Variants in ACTN1 observed in about 807,000 individuals in gnomAD.
ACTN1 encodes alpha-actinin-1.
Under a neutral mutation model 119.6 loss-of-function variants are expected in ACTN1, and 30 were observed. That is an observed-to-expected ratio of 0.25 (90% CI 0.19 to 0.34). The LOEUF is 0.34. ACTN1 is among the 10% of genes least tolerant of loss of function. The pLI is 1.00. For synonymous variants in ACTN1, 429 were observed against 472.6 expected (o/e 0.91, Z 1.20); for missense variants, 764 against 1,223.4 (o/e 0.62, Z 5.60).
At chr14:68,973,093 C>T (rs1339682058) in intron 1 of ACTN1, among the ~76,000 whole-genome samples, 1 of 152,130 alleles carries the variant, frequency 6.6e-6, no homozygotes, top group Non-Finnish European at 1.5e-5. Flanking sequence ...GCCAGATAAC[C>T]CCCTGGTACG....
Position 68,878,958 on chromosome 14 carries a change from CCT to C in ACTN1, c.2361+29_2361+30del. On this transcript the variant is annotated intron_variant, in intron 19 of 21. Coordinates refer to ENST00000394419, the MANE Select transcript of ACTN1 (RefSeq NM_001130004.2). This position sits in a 1 kb window ranked among gnomAD's most constrained non-coding sequence, Gnocchi z 4.4. ...ATTATTTCTTGCCCCAGACGCCACC[CCT>C]GAGCGTGCTCCATGCAGGAGGCGAG... The C allele has an allele frequency of 6.2e-7, 1 of 1,612,972 alleles. No individual in the cohort carries two copies. Among genetic ancestry groups the C allele is most frequent in the African/African-American group, 1.3e-5 (1 of 74,738 alleles).
chr14:68,907,385 G>A (rs1351895042), intron 6 of ACTN1, among the ~76,000 whole-genome samples: 1 of 151,340 alleles, frequency 6.6e-6, no homozygotes, highest in Admixed American at 6.6e-5. Context: ...CCAACATGGT[G>A]AAATCCCGTC....
intron 21 of ACTN1, among the ~76,000 whole-genome samples, chr14:68,876,404 T>G (rs1324602789): frequency 3.3e-5 from 5 of 150,956 alleles, no homozygotes; most frequent in African/African-American, 1.2e-4. Context: ...TTCTGGCTGC[T>G]CTGTGAGTCT....
chr14:68,975,046 G>A (rs1246124493), intron 1 of ACTN1, among the ~76,000 whole-genome samples: 1 of 152,188 alleles, frequency 6.6e-6, no homozygotes, highest in African/African-American at 2.4e-5. Flanking sequence ...GACACAGCCT[G>A]CAGATTTTCC....
chr14:68,891,270 T>G (rs182378357), intron 10 of ACTN1, among the ~76,000 whole-genome samples: 2 of 152,356 alleles, frequency 1.3e-5, no homozygotes, highest in East Asian at 3.9e-4. Flanking sequence ...CTCTGGCTTA[T>G]GAAATTTTTC....
intron 1 of ACTN1, among the ~76,000 whole-genome samples, chr14:68,944,684 C>G (rs530702123): frequency 8.1e-4 from 124 of 152,248 alleles, no homozygotes; most frequent in Non-Finnish European, 1.0e-3. Flanking sequence ...GGCAGTGTGT[C>G]TGATCACTGC....
intron 1 of ACTN1, chr14:68,947,472 G>A (rs2035980949): frequency 6.6e-6 from 1 of 152,258 alleles, no homozygotes; most frequent in Admixed American, 6.5e-5. Context: ...CTGAGGCTCA[G>A]AATAAGGACC....
At chr14:68,895,001 T>C (rs575226222) in intron 8 of ACTN1, among the ~76,000 whole-genome samples, 1 of 146,038 alleles carries the variant, frequency 6.8e-6, no homozygotes, top group South Asian at 2.1e-4. Context: ...ATGTGCTTTG[T>C]GGATGGATGA....
intron 1 of ACTN1, among the ~76,000 whole-genome samples, chr14:68,949,460 C>T (rs8010464): frequency 0.3 from 45,612 of 152,126 alleles, 7,998 homozygotes; most frequent in African/African-American, 0.49. Flanking sequence ...CTGCAGACAG[C>T]TACTGTGGCA....
intron 1 of ACTN1, among the ~76,000 whole-genome samples, chr14:68,948,480 A>G (rs58128696): frequency 6.6e-6 from 1 of 152,306 alleles, no homozygotes; most frequent in African/African-American, 2.4e-5. Context: ...TGGGAGGCTG[A>G]GGCAGGAGAA....
At chr14:68,908,709 C>T (rs2033817625) in intron 6 of ACTN1, among the ~76,000 whole-genome samples, 1 of 152,148 alleles carries the variant, frequency 6.6e-6, no homozygotes, top group Non-Finnish European at 1.5e-5. Flanking sequence ...CAGTGTCGTC[C>T]AACCAGCTCA....
rs568152574 is a variant in ACTN1 at position 68,954,209 on chromosome 14, T to A, written c.105+24743A>T. Among the ~76,000 whole-genome samples the A allele has an allele frequency of 7.9e-5, 12 of 152,348 alleles. No individual in the cohort carries two copies. The South Asian group carries it at 2.3e-3, about 29-fold the overall frequency. The stretch of plus-strand genomic sequence containing the variant: ...TCATTTTTAAAGGCTGCAAAAATAC[T>A]ACACCACCATGATGTATCAGGATGG... On this transcript the variant is annotated intron_variant, in intron 1 of 21. Coordinates refer to ENST00000394419, the MANE Select transcript of ACTN1 (RefSeq NM_001130004.2).
At chr14:68,950,031 C>T (rs1379556781) in intron 1 of ACTN1, among the ~76,000 whole-genome samples, 2 of 152,130 alleles carry the variant, frequency 1.3e-5, no homozygotes, top group Non-Finnish European at 1.5e-5. Context: ...CGCTGCGGCT[C>T]ACACCTGTAA....
intron 8 of ACTN1, among the ~76,000 whole-genome samples, chr14:68,896,377 G>A (rs1448040389): frequency 6.6e-6 from 1 of 152,044 alleles, no homozygotes; most frequent in Non-Finnish European, 1.5e-5. Flanking sequence ...GCCTCAGCCT[G>A]AGAAGTAAGA....
chr14:68,902,410 G>T, intron 8 of ACTN1, 67 bp downstream of exon 8: 1 of 1,357,574 alleles, frequency 7.4e-7, no homozygotes, highest in South Asian at 1.2e-5. Context: ...GAGGCGGGCA[G>T]GAGGACATGG....
At chr14:68,977,003 G>A (rs968293080) in intron 1 of ACTN1, among the ~76,000 whole-genome samples, 3 of 152,130 alleles carry the variant, frequency 2.0e-5, no homozygotes, top group East Asian at 1.9e-4. Flanking sequence ...TATTAAATAC[G>A]ATGTTCAGGC....
At chr14:68,930,463 C>T (rs1007234245) in intron 1 of ACTN1, among the ~76,000 whole-genome samples, 1 of 152,116 alleles carries the variant, frequency 6.6e-6, no homozygotes, top group Non-Finnish European at 1.5e-5. Context: ...CAGAAGATTA[C>T]CCCAGAAGCA....
Position 68,882,394 on chromosome 14 carries a change from G to A in ACTN1, c.1953+64C>T, listed in dbSNP as rs1041900628. Reference sequence around the variant, plus strand: ...ACCCAGGGAGACAGGCAGCCTGGCTGGCTAGGATAGTGTCGGGGGGGAGGG... The same window carrying A: ...ACCCAGGGAGACAGGCAGCCTGGCTAGCTAGGATAGTGTCGGGGGGGAGGG... On this transcript the variant is annotated intron_variant, in intron 16 of 21. Coordinates refer to ENST00000394419, the MANE Select transcript of ACTN1 (RefSeq NM_001130004.2). The surrounding 1 kb of genome is among the most constrained non-coding windows in gnomAD (Gnocchi z 4.5). The A allele has an allele frequency of 3.1e-5, 50 of 1,588,298 alleles. No homozygotes were observed. The African/African-American group carries it at 5.4e-4, about 17-fold the overall frequency.
Position 68,882,554 on chromosome 14 carries a change from C to T in ACTN1, c.1857G>A (p.Thr619=), listed in dbSNP as rs1383159647. 8 of 1,614,170 alleles carry T rather than the reference C, an allele frequency of 5.0e-6. No homozygotes were observed. The highest frequency in any genetic ancestry group is 2.2e-5 in the South Asian group (2 of 91,082). ...QLVPRRDQAL[T]EEHARQQHNE... ...TGTGCTGCTGTCGGGCATGCTCCTC[C>T]GTCAGAGCTTGGTCCCTCCGAGGCA... The change falls in exon 16 of 22, where the codon ACG becomes ACA. Residue 619 remains threonine (T), a synonymous_variant. Coordinates refer to ENST00000394419, the MANE Select transcript of ACTN1 (RefSeq NM_001130004.2). This position sits in a 1 kb window ranked among gnomAD's most constrained non-coding sequence, Gnocchi z 4.5.
Sources: allele counts gnomAD v4.1 joint callset (sites outside exome capture counted in the v4.1 genomes callset), GRCh38; gene constraint gnomAD v4.1.1; non-coding constraint Gnocchi (gnomAD v3.1); transcripts MANE v1.5; gene names NCBI Gene and HGNC (gene_info 2026-07-23, HGNC 2026-07-21).